MYH6: variants seen among roughly 807,000 people sequenced by gnomAD.
MYH6 encodes the protein myosin-6.
MYH6 carries 126 observed loss-of-function variants against 223.2 expected under a neutral mutation model. The ratio of observed to expected loss-of-function variants is 0.56; its 90% CI spans 0.49 to 0.65. The LOEUF (loss-of-function observed/expected upper bound fraction) is 0.65, where lower values mean the gene tolerates loss of function less well. Among genes scored for constraint, MYH6 ranks in the 30% least tolerant of loss-of-function variants. The pLI, the probability that MYH6 is intolerant of heterozygous loss-of-function variation, is 0.00. For missense variants in MYH6, 2,040 were observed against 2,536.4 expected (o/e 0.80, Z 4.20); for synonymous variants, 978 against 1,010.2 (o/e 0.97, Z 0.61).
In MYH6 at chr14:23,390,534, T is replaced by C. The variant is rs951576837; in HGVS notation, c.3343-88A>G. Reference sequence around the variant, plus strand: ...TCTGAAAAGCTACCAGGAACTTAGGTTCCTCTCAAGCAGTGGTTCTCAACT... The same window carrying C: ...TCTGAAAAGCTACCAGGAACTTAGGCTCCTCTCAAGCAGTGGTTCTCAACT... On this transcript the variant is annotated intron_variant, in intron 25 of 38. Coordinates refer to ENST00000405093, the MANE Select transcript of MYH6 (RefSeq NM_002471.4). 7 of 1,551,918 alleles carry C rather than the reference T, an allele frequency of 4.5e-6. No homozygotes were observed. The East Asian group carries it at 1.4e-4, about 32-fold the overall frequency.
In MYH6 at chr14:23,390,282, G is replaced by A. The variant is rs1380062556; in HGVS notation, c.3507C>T (p.Arg1169=). ...TSVQIEMNKK[R]EAEFQKMRRD... is the part of the protein sequence containing the mutation. The stretch of plus-strand genomic sequence containing the variant: ...GCCGCATCTTCTGGAACTCGGCCTC[G>A]CGCTTCTTGTTCATCTCGATCTGCA... Residue 1169 remains arginine (R), a synonymous_variant, in exon 26 of 39, where the codon CGC becomes CGT. Transcript: ENST00000405093. 2.3e-5 allele frequency: 36 copies of A among 1,596,936 alleles called. No individual in the cohort carries two copies. The highest frequency in any genetic ancestry group is 6.8e-5 in the East Asian group (3 of 44,322).
Position 23,405,556 on chromosome 14 carries a change from G to T in MYH6, c.345+71C>A. ...TGGGAGTCTCTCCCCCTCTTCTTGG[G>T]AGAGCCCCCCTGGCTTATTTAGGCC... On this transcript the variant is annotated intron_variant, in intron 4 of 38. Transcript: ENST00000405093. The surrounding 1 kb of genome is among the most constrained non-coding windows in gnomAD (Gnocchi z 4.7). 1 of 1,609,500 alleles carries T rather than the reference G, an allele frequency of 6.2e-7. No individual in the cohort carries two copies. Among genetic ancestry groups the T allele is most frequent in the South Asian group, 1.1e-5 (1 of 90,688 alleles).
At chr14:23,404,930 A>G (rs972191302) in intron 6 of MYH6, 108 bp from the exon 7 acceptor site, 2 of 1,482,188 alleles carry the variant, frequency 1.3e-6, no homozygotes, top group East Asian at 4.6e-5. Context: ...CCCAGCACCC[A>G]GCAGGATTTG....
intron 25 of MYH6, among the ~76,000 whole-genome samples, chr14:23,392,123 G>A (rs573925631): frequency 6.6e-6 from 1 of 152,218 alleles, no homozygotes; most frequent in East Asian, 1.9e-4. Context: ...AGTGCCCTAT[G>A]GGGACTCAGC....
chr14:23,387,180 G>A (rs1184189115), intron 32 of MYH6, among the ~76,000 whole-genome samples: 1 of 152,170 alleles, frequency 6.6e-6, no homozygotes, highest in African/African-American at 2.4e-5. Context: ...TAAAGATTTT[G>A]CCCAACGCTG....
rs1891282820 is a variant in MYH6, at chr14:23,392,994, G to A, written c.3169C>T (p.Leu1057=). Reference sequence around the variant, plus strand: ...TGGGTCAGCTTCAGGTCGCCCTCCAGTTTCCGCTTTGCTCGCTCCAGGTCC... The same window carrying A: ...TGGGTCAGCTTCAGGTCGCCCTCCAATTTCCGCTTTGCTCGCTCCAGGTCC... ...RMDLERAKRK[L]EGDLKLTQES... Residue 1057 remains leucine (L), a synonymous_variant, in exon 24 of 39, where the codon CTG becomes TTG. Transcript: ENST00000405093. The A allele has an allele frequency of 6.8e-6, 11 of 1,614,202 alleles. No homozygotes were observed. Among genetic ancestry groups the A allele is most frequent in the Non-Finnish European group, 9.3e-6 (11 of 1,180,050 alleles).
At chr14:23,382,949 C>T (rs886429659) in intron 37 of MYH6, among the ~76,000 whole-genome samples, 2 of 152,212 alleles carry the variant, frequency 1.3e-5, no homozygotes, top group African/African-American at 4.8e-5. Context: ...CCACCGCCAC[C>T]TTCCTGCCTT....
chr14:23,407,710 G>C lies in MYH6; in HGVS notation c.-46-102C>G. On this transcript the variant is annotated intron_variant, in intron 1 of 38. Transcript: ENST00000405093. The surrounding 1 kb of genome is among the most constrained non-coding windows in gnomAD (Gnocchi z 5.6). ...AACAGAGGCAGGCCACCCGGGGATG[G>C]AGGCAGCCCCAGAGCGCAGACAGGC... The C allele has an allele frequency of 3.5e-6, 3 of 865,348 alleles. No homozygotes were observed. The highest frequency in any genetic ancestry group is 4.3e-6 in the Non-Finnish European group (3 of 699,992). 53.6% of individuals were successfully genotyped at this position (865,348 alleles called of 1,614,324 possible).
Position 23,407,463 on chromosome 14 carries a change from G to C in MYH6, c.-14+113C>G. The C allele has an allele frequency of 8.1e-7, 1 of 1,238,724 alleles. No individual in the cohort carries two copies. The highest frequency in any genetic ancestry group is 1.6e-5 in the South Asian group (1 of 63,764). 76.7% of individuals were successfully genotyped at this position (1,238,724 alleles called of 1,614,324 possible). On this transcript the variant is annotated intron_variant, in intron 2 of 38. Transcript: ENST00000405093. This position sits in a 1 kb window ranked among gnomAD's most constrained non-coding sequence, Gnocchi z 5.6. Reference sequence around the variant, plus strand: ...TTTCCCTGGGGTGGCATTGGCTGGAGTATGCTAAGGGTTGGCGCTGAGTGC... The same window carrying C: ...TTTCCCTGGGGTGGCATTGGCTGGACTATGCTAAGGGTTGGCGCTGAGTGC...
At chr14:23,397,134 C>G in intron 17 of MYH6, 36 bp downstream of exon 17, 1 of 1,614,202 alleles carries the variant, frequency 6.2e-7, no homozygotes, top group Non-Finnish European at 8.5e-7. Context: ...TGGATGCCAG[C>G]TGTCCTCCCC....
In MYH6 at chr14:23,407,242, T is replaced by C; in HGVS notation, c.-13-6A>G. On this transcript the variant is annotated splice_region_variant and splice_polypyrimidine_tract_variant and intron_variant, in intron 2 of 38. Transcript: ENST00000405093. The surrounding 1 kb of genome is among the most constrained non-coding windows in gnomAD (Gnocchi z 5.6). ...CGGTCATCTTGGTGCTTCCCCTGGG[T>C]CAGAGACAGGAGGGCTATGTTACTC... The C allele has an allele frequency of 6.2e-7, 1 of 1,614,076 alleles. No homozygotes were observed. Among genetic ancestry groups the C allele is most frequent in the East Asian group, 2.2e-5 (1 of 44,882 alleles).
intron 12 of MYH6, 146 bp downstream of exon 12, chr14:23,402,318 G>T: frequency 7.9e-7 from 1 of 1,262,766 alleles, no homozygotes; most frequent in Non-Finnish European, 1.1e-6. Flanking sequence ...CTCTCTGTCT[G>T]CCCACGTCTC....
intron 15 of MYH6, among the ~76,000 whole-genome samples, chr14:23,398,171 C>T (rs1299980039): frequency 6.6e-6 from 1 of 151,990 alleles, no homozygotes; most frequent in Non-Finnish European, 1.5e-5. Flanking sequence ...GCAGGTGCCA[C>T]CACGCCAGGC....
At chr14:23,390,822 T>C (rs1303841592) in intron 25 of MYH6, among the ~76,000 whole-genome samples, 2 of 152,186 alleles carry the variant, frequency 1.3e-5, no homozygotes, top group Non-Finnish European at 2.9e-5. Flanking sequence ...AGTCCCCAGA[T>C]TCACTAGGCT....
At chr14:23,400,495 G>A (rs369323376) in intron 13 of MYH6, 69 bp from the exon 14 acceptor site, 1 of 1,611,802 alleles carries the variant, frequency 6.2e-7, no homozygotes, top group Non-Finnish European at 8.5e-7. Flanking sequence ...CTGTGCCCGT[G>A]CACTGTGCCG....
chr14:23,388,877 T>A lies in MYH6; in HGVS notation c.4157A>T (p.Glu1386Val), dbSNP rs774673412. 3 of 1,613,720 alleles carry A rather than the reference T, an allele frequency of 1.9e-6. No homozygotes were observed. The highest frequency in any genetic ancestry group is 2.5e-6 in the Non-Finnish European group (3 of 1,180,046). Reference sequence around the variant, plus strand: ...AGCTCACTTGGCCTCTTCGAGCTCCTCAGTCCGCTGAATGGCGTCCGTCTC... The same window carrying A: ...AGCTCACTTGGCCTCTTCGAGCTCCACAGTCCGCTGAATGGCGTCCGTCTC... ...KYETDAIQRT[E>V]ELEEAKKKLA... is the part of the protein sequence containing the mutation. Residue 1386 changes from glutamate (E) to valine (V), a missense_variant, in exon 29 of 39, where the codon GAG becomes GTG. Coordinates refer to ENST00000405093, the MANE Select transcript of MYH6 (RefSeq NM_002471.4).
chr14:23,403,649 G>GC (rs1891681777), intron 9 of MYH6, 66 bp downstream of exon 9: 1 of 1,459,902 alleles, frequency 6.8e-7, no homozygotes, highest in South Asian at 1.2e-5. Context: ...GATGAGACTG[G>GC]CCGCCAGGCA....
In MYH6 at chr14:23,405,769, G is replaced by A. The variant is rs751285148; in HGVS notation, c.203C>T (p.Thr68Met). 1.5e-5 allele frequency: 25 copies of A among 1,614,130 alleles called. No individual in the cohort carries two copies. Among genetic ancestry groups the A allele is most frequent in the African/African-American group, 1.5e-4 (11 of 75,024 alleles). Residue 68 changes from threonine to methionine, a missense_variant and splice_region_variant, in exon 4 of 39, where the codon ACG becomes ATG. Physicochemically the swap from Thr to Met is moderately conservative, Grantham distance 81. This residue lies in a region of MYH6 where 184 missense variants were observed against 232.4 expected (regional missense o/e 0.79). Coordinates refer to ENST00000405093, the MANE Select transcript of MYH6 (RefSeq NM_002471.4). This position sits in a 1 kb window ranked among gnomAD's most constrained non-coding sequence, Gnocchi z 4.7. Reference sequence around the variant, plus strand: ...CACCTGGTCCTCCTTCACAGTCACCGTCTGGAGGGGGCGCATAAGCAGGAG... The same window carrying A: ...CACCTGGTCCTCCTTCACAGTCACCATCTGGAGGGGGCGCATAAGCAGGAG... ...KVIAETENGK[T>M]VTVKEDQVLQ...
At position 23,384,570 on chromosome 14, in the gene MYH6, G is replaced by C. The variant is rs368384248; in HGVS notation, c.5437C>G (p.Gln1813Glu). Residue 1813 changes from glutamine to glutamate, a missense_variant, in exon 36 of 39, where the codon CAG (glutamine) becomes GAG (glutamate). Transcript: ENST00000405093. ...EQIALKGGKK[Q>E]LQKLEARVRE... ...ACCCGCGCTTCCAGCTTCTGCAGCT[G>C]CTTCTTGCCTCCCTTGAGGGCGATC... The C allele has an allele frequency of 3.7e-6, 6 of 1,613,732 alleles. No homozygotes were observed. The highest frequency in any genetic ancestry group is 1.1e-5 in the South Asian group (1 of 91,054).
Sources: gnomAD v4.1 joint callset for allele counts (sites outside exome capture counted in the v4.1 genomes callset) on GRCh38, gnomAD v4.1.1 for gene constraint, gnomAD v4.1.1 regional missense constraint, Gnocchi (gnomAD v3.1) non-coding constraint, MANE v1.5 for transcripts, NCBI Gene and HGNC (gene_info 2026-07-23, HGNC 2026-07-21) for gene names.